The following COL14A1 variants were observed in gnomAD, a reference collection of about 807,000 sequenced individuals.
COL14A1 encodes the protein collagen alpha-1(XIV) chain.
In COL14A1, 136 loss-of-function variants were observed where a neutral mutation model predicts 230.3. The ratio of observed to expected loss-of-function variants is 0.59; its 90% CI spans 0.51 to 0.68. COL14A1 has a LOEUF of 0.68. COL14A1 is among the 30% of genes least tolerant of loss of function. The pLI is 0.00. For missense variants in COL14A1, 1,976 were observed against 2,215.8 expected, an observed-to-expected ratio of 0.89 and a Z score of 2.17; for synonymous variants, 792 against 784.1, an observed-to-expected ratio of 1.01 and a Z score of -0.17.
intron 26 of COL14A1, among the ~76,000 whole-genome samples, chr8:120,271,604 G>A (rs1416841695): frequency 2.0e-5 from 3 of 151,640 alleles, no homozygotes; most frequent in Non-Finnish European, 4.4e-5. Flanking sequence ...CAGACTTAAA[G>A]ATCTGAGAAT....
chr8:120,268,641 A>G (rs117483884), intron 25 of COL14A1, among the ~76,000 whole-genome samples: 346 of 151,802 alleles, frequency 2.3e-3, no homozygotes, highest in Non-Finnish European at 4.0e-3. Flanking sequence ...TTAAAAGCCA[A>G]TAAATTTGTA....
chr8:120,247,138 T>C (rs1322083648), intron 20 of COL14A1, among the ~76,000 whole-genome samples: 18 of 152,290 alleles, frequency 1.2e-4, no homozygotes, highest in Middle Eastern at 3.4e-3. Context: ...TATTTAATAT[T>C]GAAGGCTGGG....
chr8:120,134,216 G>A (rs140345090), intron 1 of COL14A1, among the ~76,000 whole-genome samples: 22 of 152,052 alleles, frequency 1.4e-4, no homozygotes, highest in Non-Finnish European at 3.2e-4. Flanking sequence ...ATTTTGAGGA[G>A]TTTTTGGTAC....
At chr8:120,131,838 C>CTTTTTTTTTTTTTTTTTT (rs1172286717) in intron 1 of COL14A1, among the ~76,000 whole-genome samples, 1 of 68,950 alleles carries the variant, frequency 1.5e-5, no homozygotes, top group African/African-American at 5.7e-5. Context: ...TTCTTCCTTT[C>CTTTTTTTTTTTTTTTTTT]TTTTTTTTTT....
chr8:120,332,648 C>T lies in COL14A1; in HGVS notation c.4714-16C>T, dbSNP rs1231181438. The stretch of plus-strand genomic sequence containing the variant: ...GTGATTCCTGACTTTGTTCCATTTT[C>T]CTACCTCTCTTCTAGGGCATTCCTG... On this transcript the variant is annotated splice_polypyrimidine_tract_variant and intron_variant, in intron 41 of 47. Transcript: ENST00000297848. 25 of 1,606,856 alleles carry T rather than the reference C, an allele frequency of 1.6e-5. No homozygotes were observed. The highest frequency in any genetic ancestry group is 1.7e-4 in the Middle Eastern group (1 of 6,048).
At chr8:120,136,136 C>A (rs1814701443) in intron 1 of COL14A1, among the ~76,000 whole-genome samples, 1 of 152,062 alleles carries the variant, frequency 6.6e-6, no homozygotes, top group East Asian at 1.9e-4. Flanking sequence ...ACCTCTAGTA[C>A]AGTGTTGAGT....
intron 4 of COL14A1, among the ~76,000 whole-genome samples, chr8:120,166,811 G>A (rs118045010): frequency 0.01 from 1,541 of 151,002 alleles, 17 homozygotes; most frequent in Non-Finnish European, 0.018. Context: ...CGAATGAAAC[G>A]GAGTGGTCAA....
intron 10 of COL14A1, among the ~76,000 whole-genome samples, chr8:120,207,827 A>G (rs1407455154): frequency 6.7e-6 from 1 of 149,808 alleles, no homozygotes; most frequent in African/African-American, 2.5e-5. Context: ...GTGGAGTCTT[A>G]AATCATTTGG....
In COL14A1 at chr8:120,162,439, C is replaced by G. The variant is rs1454275367; in HGVS notation, c.219C>G (p.Asn73Lys). Residue 73 changes from asparagine to lysine, a missense_variant, in exon 4 of 48, where the codon AAC becomes AAG. Transcript: ENST00000297848. ...LVTPTSGGKTNQLNLQNTATK... is the reference protein window; with the variant it reads ...LVTPTSGGKTKQLNLQNTATK... ...CTTTTATTATAGGTGGAAAAACTAA[C>G]CAGCTGAATCTGCAGAACACTGCAA... 1.3e-6 allele frequency: 2 copies of G among 1,599,170 alleles called. No homozygotes were observed. Among genetic ancestry groups the G allele is most frequent in the African/African-American group, 1.3e-5 (1 of 74,234 alleles).
At chr8:120,170,680 C>A (rs975515944) in intron 5 of COL14A1, among the ~76,000 whole-genome samples, 3 of 151,898 alleles carry the variant, frequency 2.0e-5, no homozygotes, top group African/African-American at 7.2e-5. Flanking sequence ...TACCTAAAGG[C>A]TAGATACATA....
At position 120,286,233 on chromosome 8, in the gene COL14A1, G is replaced by T. The variant is rs574936813; in HGVS notation, c.4077+263G>T. Among the ~76,000 whole-genome samples, 5 of 152,148 alleles carry T rather than the reference G, an allele frequency of 3.3e-5. No homozygotes were observed. The South Asian group carries it at 1.0e-3, about 32-fold the overall frequency. On this transcript the variant is annotated intron_variant, in intron 33 of 47. Transcript: ENST00000297848. Reference sequence around the variant, plus strand: ...CTCTTTGAGGAAAAATGTAGTTAAGGATATGGCATTACCAAGTGGACAGTT... The same window carrying T: ...CTCTTTGAGGAAAAATGTAGTTAAGTATATGGCATTACCAAGTGGACAGTT...
chr8:120,229,291 C>G lies in COL14A1; in HGVS notation c.2197+522C>G, dbSNP rs200040845. ...CCCACCCCACAACAGTCCCCAGAGT[C>G]TGATGTTCCCCTTCCTGTGTCCATG... On this transcript the variant is annotated intron_variant, in intron 18 of 47. Coordinates refer to ENST00000297848, the MANE Select transcript of COL14A1 (RefSeq NM_021110.4). Among the ~76,000 whole-genome samples the G allele has an allele frequency of 2.8e-4, 34 of 121,306 alleles. No individual in the cohort carries two copies. The Middle Eastern group carries it at 0.021, about 76-fold the overall frequency. 79.6% of individuals were successfully genotyped at this position (121,306 alleles called of 152,430 possible).
At chr8:120,199,357 T>C in intron 7 of COL14A1, 45 bp from the exon 8 acceptor site, 1 of 1,498,954 alleles carries the variant, frequency 6.7e-7, no homozygotes. Context: ...TAGGAGACTT[T>C]TTATTAGAGA....
At position 120,203,728 on chromosome 8, in the gene COL14A1, G is replaced by C. The variant is rs1489086047; in HGVS notation, c.897G>C (p.Val299=). 18 of 1,613,698 alleles carry C rather than the reference G, an allele frequency of 1.1e-5. No homozygotes were observed. In the South Asian group the frequency reaches 2.0e-4, roughly 18 times the overall value. ...TGTAAGGGGTGAAAAACGCGGATGT[G>C]AATGAGCTGCAGGAGATCGCCTCTG... The part of the protein sequence containing the change: ...LFAIGVKNAD[V]NELQEIASEP... Residue 299 remains valine, a synonymous_variant, in exon 9 of 48, where the codon GTG becomes GTC. Coordinates refer to ENST00000297848, the MANE Select transcript of COL14A1 (RefSeq NM_021110.4).
chr8:120,232,197 A>G (rs1358417441), intron 19 of COL14A1: 1 of 152,200 alleles, frequency 6.6e-6, no homozygotes, highest in Non-Finnish European at 1.5e-5. Context: ...AGATTTTTAT[A>G]CATTGAGTTT....
intron 45 of COL14A1, among the ~76,000 whole-genome samples, chr8:120,350,307 A>G (rs906624312): frequency 6.6e-6 from 1 of 150,390 alleles, no homozygotes; most frequent in Non-Finnish European, 1.5e-5. Flanking sequence ...GACCATCAAG[A>G]CTAGGAAGAA....
chr8:120,369,383 C>G lies in COL14A1; in HGVS notation c.5209C>G (p.Pro1737Ala). The G allele has an allele frequency of 6.2e-7, 1 of 1,608,316 alleles. No homozygotes were observed. Among genetic ancestry groups the G allele is most frequent in the Non-Finnish European group, 8.5e-7 (1 of 1,177,440 alleles). The change falls in exon 47 of 48, where the codon CCA becomes GCA. Residue 1737 changes from proline (P) to alanine (A), a missense_variant. Pro to Ala is a conservative substitution (Grantham distance 27, BLOSUM62 -1). Coordinates refer to ENST00000297848, the MANE Select transcript of COL14A1 (RefSeq NM_021110.4). Reference protein sequence around the residue: ...GSPGPPGSPGPRGPPGHLGVP... With the variant: ...GSPGPPGSPGARGPPGHLGVP... ...CCCTGGGCCCCCTGGCTCTCCTGGA[C>G]CAAGAGGCCCACCAGGTCATCTGGG...
chr8:120,140,605 C>G (rs1264374938), intron 1 of COL14A1, among the ~76,000 whole-genome samples: 1 of 151,970 alleles, frequency 6.6e-6, no homozygotes, highest in Non-Finnish European at 1.5e-5. Flanking sequence ...ACAATATTAT[C>G]CAAGGTTTGT....
intron 44 of COL14A1, 110 bp from the exon 45 acceptor site, chr8:120,345,265 T>A (rs1490231863): frequency 2.1e-6 from 2 of 969,466 alleles, no homozygotes; most frequent in Non-Finnish European, 3.0e-6. Flanking sequence ...GATTTTTCCC[T>A]TGGTGGGTAT....
Sources: allele counts gnomAD v4.1 joint callset (sites outside exome capture counted in the v4.1 genomes callset), GRCh38; gene constraint gnomAD v4.1.1; transcripts MANE v1.5; gene names NCBI Gene and HGNC (gene_info 2026-07-23, HGNC 2026-07-21).